CDC14A: variants seen among roughly 807,000 people sequenced by gnomAD.
The protein encoded by CDC14A is cell division cycle 14A.
In CDC14A, 53 loss-of-function variants were observed where a neutral mutation model predicts 74.4. The ratio of observed to expected loss-of-function variants is 0.71; its 90% CI spans 0.57 to 0.89. The LOEUF (loss-of-function observed/expected upper bound fraction) is 0.89, where lower values mean the gene tolerates loss of function less well. Ranked by LOEUF, CDC14A falls within the 40% of genes least tolerant of loss-of-function variation. The pLI is 0.00. For missense variants in CDC14A, 646 were observed against 713.7 expected (o/e 0.91, Z 1.08); for synonymous variants, 247 against 258.4 (o/e 0.96, Z 0.43).
chr1:100,356,169 T>C (rs886286043), intron 2 of CDC14A, among the ~76,000 whole-genome samples: 3 of 152,152 alleles, frequency 2.0e-5, no homozygotes, highest in African/African-American at 7.2e-5. Flanking sequence ...ACAGAATGAA[T>C]GTCAGGGTGA....
chr1:100,391,107 ATTTC>A, intron 4 of CDC14A: 1 of 406,886 alleles, frequency 2.5e-6, no homozygotes, highest in Non-Finnish European at 4.6e-6. Flanking sequence ...TACCAAGGAC[ATTTC>A]TAGGAAAAAA....
chr1:100,361,888 T>C (rs189122699), intron 2 of CDC14A, among the ~76,000 whole-genome samples: 25 of 152,112 alleles, frequency 1.6e-4, no homozygotes, highest in Admixed American at 2.6e-4. Flanking sequence ...AGAATTGGAT[T>C]AGGGTTGCAG....
intron 5 of CDC14A, among the ~76,000 whole-genome samples, chr1:100,430,769 C>T (rs1362644365): frequency 6.6e-6 from 1 of 152,138 alleles, no homozygotes; most frequent in African/African-American, 2.4e-5. Flanking sequence ...ATTAACTGTA[C>T]TTCAAAGGGA....
intron 5 of CDC14A, among the ~76,000 whole-genome samples, chr1:100,438,675 A>T (rs1312485791): frequency 6.6e-6 from 1 of 152,246 alleles, no homozygotes; most frequent in South Asian, 2.1e-4. Context: ...GGACTTAAGC[A>T]TTCTGTTAAG....
chr1:100,466,702 C>A (rs1030967089), intron 9 of CDC14A, among the ~76,000 whole-genome samples: 1 of 152,002 alleles, frequency 6.6e-6, no homozygotes, highest in Non-Finnish European at 1.5e-5. Context: ...GAAACCCTGT[C>A]TCTACTAAAA....
intron 5 of CDC14A, among the ~76,000 whole-genome samples, chr1:100,427,525 C>A (rs1433798440): frequency 6.6e-6 from 1 of 152,154 alleles, no homozygotes; most frequent in African/African-American, 2.4e-5. Context: ...AGAGGCTTGG[C>A]AGGTCCTTTG....
chr1:100,496,317 G>A (rs1055727317), intron 13 of CDC14A, among the ~76,000 whole-genome samples: 6 of 151,928 alleles, frequency 3.9e-5, no homozygotes, highest in South Asian at 2.1e-4. Context: ...GTGGAGGGGG[G>A]TCTCTAAGAA....
At chr1:100,460,077 C>T (rs11166456) in intron 8 of CDC14A, among the ~76,000 whole-genome samples, 96,324 of 152,030 alleles carry the variant, frequency 0.63, 31,001 homozygotes, top group African/African-American at 0.74. Flanking sequence ...TGTATGTGTA[C>T]GGGCCAGCTT....
chr1:100,499,438 T>G, intron 15 of CDC14A, 176 bp downstream of exon 15: 1 of 1,494,882 alleles, frequency 6.7e-7, no homozygotes, highest in Non-Finnish European at 8.9e-7. Flanking sequence ...CTAGCTCCTC[T>G]TCAAGTAAAC....
chr1:100,507,042 A>T (rs567377052), intron 15 of CDC14A, among the ~76,000 whole-genome samples: 1 of 152,350 alleles, frequency 6.6e-6, no homozygotes, highest in South Asian at 2.1e-4. Context: ...ATGGAAACTT[A>T]TCCAATTAAT....
chr1:100,398,133 T>G (rs1329691041), intron 4 of CDC14A, among the ~76,000 whole-genome samples: 2 of 152,196 alleles, frequency 1.3e-5, no homozygotes, highest in Non-Finnish European at 2.9e-5. Context: ...CCTATTTTAC[T>G]TGCGGTGAGG....
chr1:100,509,502 C>T (rs933639933), intron 15 of CDC14A, among the ~76,000 whole-genome samples: 1 of 151,724 alleles, frequency 6.6e-6, no homozygotes, highest in African/African-American at 2.4e-5. Context: ...TTTTCTAATA[C>T]TGTGTAGGTC....
intron 11 of CDC14A, among the ~76,000 whole-genome samples, chr1:100,488,850 T>G (rs2101384450): frequency 6.6e-6 from 1 of 152,320 alleles, no homozygotes; most frequent in East Asian, 1.9e-4. Flanking sequence ...GCACCTTTCT[T>G]TCCCCCATTA....
At chr1:100,478,747 CA>C (rs1272096444) in intron 10 of CDC14A, among the ~76,000 whole-genome samples, 1 of 152,150 alleles carries the variant, frequency 6.6e-6, no homozygotes, top group Admixed American at 6.6e-5. Context: ...ATCCATAAAC[CA>C]AAAATTCCCC....
At chr1:100,376,635 C>T (rs936919644) in intron 2 of CDC14A, among the ~76,000 whole-genome samples, 15 of 152,110 alleles carry the variant, frequency 9.9e-5, no homozygotes, top group African/African-American at 3.6e-4. Context: ...AGAGACATCA[C>T]TTTTCCATAG....
intron 11 of CDC14A, among the ~76,000 whole-genome samples, chr1:100,492,160 A>G (rs1280193892): frequency 2.0e-5 from 3 of 152,188 alleles, no homozygotes; most frequent in Non-Finnish European, 2.9e-5. Context: ...AATGAGAGAA[A>G]AATACATGCA....
upstream of CDC14A, chr1:100,351,742 G>A (rs1057132810): frequency 1.3e-6 from 2 of 1,550,388 alleles, no homozygotes; most frequent in African/African-American, 2.7e-5. Context: ...CAGATGAGAG[G>A]GCGTGGAGAA....
intron 2 of CDC14A, among the ~76,000 whole-genome samples, chr1:100,359,395 A>C (rs976190996): frequency 3.9e-5 from 6 of 152,166 alleles, no homozygotes; most frequent in Admixed American, 3.3e-4. Flanking sequence ...CCTGGAGTCC[A>C]GGCATTTCCC....
At chr1:100,461,930 T>G (rs1667354430) in intron 8 of CDC14A, among the ~76,000 whole-genome samples, 1 of 152,224 alleles carries the variant, frequency 6.6e-6, no homozygotes, top group South Asian at 2.1e-4. Context: ...TATCATTTTT[T>G]GTGGTGAGAA....
Sources: allele counts gnomAD v4.1 joint callset (sites outside exome capture counted in the v4.1 genomes callset), GRCh38; gene constraint gnomAD v4.1.1; transcripts MANE v1.5; gene names NCBI Gene and HGNC (gene_info 2026-07-23, HGNC 2026-07-21).